Variants in ARHGEF4 observed in about 807,000 individuals in gnomAD.
ARHGEF4 encodes the protein Rho guanine nucleotide exchange factor 4.
ARHGEF4 carries 119 observed loss-of-function variants against 162.0 expected under a neutral mutation model. That is an observed-to-expected ratio of 0.73 (90% CI 0.63 to 0.86). The LOEUF (loss-of-function observed/expected upper bound fraction) is 0.86, where lower values mean the gene tolerates loss of function less well. Among genes scored for constraint, ARHGEF4 ranks in the 40% least tolerant of loss-of-function variants. The pLI is 0.00. For synonymous variants in ARHGEF4, 1,014 were observed against 979.9 expected (o/e 1.03, Z -0.65); for missense variants, 2,488 against 2,456.0 (o/e 1.01, Z -0.28).
At chr2:130,964,513 C>T (rs956902421) in intron 4 of ARHGEF4, among the ~76,000 whole-genome samples, 4 of 152,244 alleles carry the variant, frequency 2.6e-5, no homozygotes, top group Non-Finnish European at 4.4e-5. Context: ...GGCCCCCATA[C>T]CAGAGCGCGC....
At chr2:130,970,979 C>A (rs373770634) in intron 4 of ARHGEF4, among the ~76,000 whole-genome samples, 2 of 152,168 alleles carry the variant, frequency 1.3e-5, no homozygotes, top group African/African-American at 2.4e-5. Flanking sequence ...TCTCAGAAAT[C>A]TTTATGTAAC....
chr2:130,925,085 T>TGAGA (rs138553262), intron 2 of ARHGEF4, among the ~76,000 whole-genome samples: 36 of 136,280 alleles, frequency 2.6e-4, no homozygotes, highest in Admixed American at 6.7e-4. Flanking sequence ...TGTGTGCGTC[T>TGAGA]GAGAGAGAGA....
chr2:130,877,720 C>T (rs1320695216), intron 1 of ARHGEF4, among the ~76,000 whole-genome samples: 2 of 152,138 alleles, frequency 1.3e-5, no homozygotes. Flanking sequence ...AAAATATGAG[C>T]CACCCCTATC....
intron 5 of ARHGEF4, among the ~76,000 whole-genome samples, chr2:131,031,686 G>A (rs1199218963): frequency 6.6e-6 from 1 of 152,188 alleles, no homozygotes; most frequent in Non-Finnish European, 1.5e-5. Flanking sequence ...GAATGCAGAC[G>A]CTGAGTGTTT....
chr2:130,881,098 T>C (rs1559017172), intron 1 of ARHGEF4, among the ~76,000 whole-genome samples: 1 of 152,166 alleles, frequency 6.6e-6, no homozygotes, highest in Non-Finnish European at 1.5e-5. Flanking sequence ...AGTGGCACCA[T>C]CTCGGCTCAC....
intron 4 of ARHGEF4, among the ~76,000 whole-genome samples, chr2:130,991,344 C>T (rs930557394): frequency 7.2e-5 from 11 of 152,252 alleles, no homozygotes; most frequent in African/African-American, 2.7e-4. Context: ...CCCATTTTGG[C>T]GGCACTTGAG....
intron 1 of ARHGEF4, among the ~76,000 whole-genome samples, chr2:130,846,603 A>G (rs567033055): frequency 5.9e-5 from 9 of 152,296 alleles, no homozygotes; most frequent in African/African-American, 1.9e-4. Context: ...ATTCGGGCCC[A>G]GTGAGAGGGG....
At chr2:131,020,680 G>A (rs1689068034) in intron 4 of ARHGEF4, among the ~76,000 whole-genome samples, 1 of 152,156 alleles carries the variant, frequency 6.6e-6, no homozygotes. Context: ...ATAGCAGCAT[G>A]TTTTATAATC....
chr2:130,854,594 A>G (rs1574103093), intron 1 of ARHGEF4, among the ~76,000 whole-genome samples: 2 of 152,296 alleles, frequency 1.3e-5, no homozygotes, highest in Middle Eastern at 3.4e-3. Context: ...AACCCACGCT[A>G]TAGGGTGGAG....
At chr2:130,970,124 C>T (rs953619960) in intron 4 of ARHGEF4, among the ~76,000 whole-genome samples, 14 of 152,224 alleles carry the variant, frequency 9.2e-5, no homozygotes, top group East Asian at 1.9e-4. Context: ...TTTGTATGTA[C>T]GTAAGTTTTC....
In ARHGEF4 at chr2:130,915,731, T is replaced by C. The variant is rs1341966708; in HGVS notation, c.1785T>C (p.Ser595=). Residue 595 remains serine, a synonymous_variant, in exon 2 of 14, where the codon TCT becomes TCC. Transcript: ENST00000409359. ...GLSEFKAATV[S]HCGPGAEEGE... is the part of the protein sequence containing the mutation. ...CAGAATTCAAGGCAGCCACGGTGTC[T>C]CACTGCGGCCCCGGGGCTGAGGAGG... 1 of 1,548,406 alleles carries C rather than the reference T, an allele frequency of 6.5e-7. No homozygotes were observed. The highest frequency in any genetic ancestry group is 2.0e-5 in the Admixed American group (1 of 50,846).
rs1039317771 is a variant in ARHGEF4, at chr2:130,871,697, C to T, written c.39+34705C>T. Among the ~76,000 whole-genome samples the T allele has an allele frequency of 9.2e-5, 14 of 152,206 alleles. 1 individual carries two copies. The highest frequency in any genetic ancestry group is 7.2e-4 in the Admixed American group (11 of 15,282). ...GATCACTCATCCCTTCATTTGTTGTCTTCCAAATCCTGTGGACACTATTTC... is the reference window on the plus strand; with the variant it reads ...GATCACTCATCCCTTCATTTGTTGTTTTCCAAATCCTGTGGACACTATTTC... On this transcript the variant is annotated intron_variant, in intron 1 of 13. Coordinates refer to ENST00000409359, the MANE Select transcript of ARHGEF4 (RefSeq NM_001367493.1).
intron 4 of ARHGEF4, among the ~76,000 whole-genome samples, chr2:131,017,991 G>A (rs1292995789): frequency 6.6e-6 from 1 of 152,086 alleles, no homozygotes; most frequent in Non-Finnish European, 1.5e-5. Flanking sequence ...TAAAACAGGA[G>A]GCCAGGGGAG....
intron 2 of ARHGEF4, among the ~76,000 whole-genome samples, chr2:130,918,054 T>C (rs945471724): frequency 2.0e-4 from 31 of 152,268 alleles, no homozygotes; most frequent in Non-Finnish European, 3.7e-4. Context: ...ACTCCTGACC[T>C]CGTGATCCAC....
intron 1 of ARHGEF4, among the ~76,000 whole-genome samples, chr2:130,892,180 C>G (rs1447000035): frequency 6.6e-6 from 1 of 152,170 alleles, no homozygotes; most frequent in Non-Finnish European, 1.5e-5. Flanking sequence ...CTCTTCAGAG[C>G]ACTCAGCCTT....
intron 4 of ARHGEF4, among the ~76,000 whole-genome samples, chr2:130,984,710 G>A (rs1285664825): frequency 6.9e-6 from 1 of 144,014 alleles, no homozygotes; most frequent in Admixed American, 6.9e-5. Flanking sequence ...AAAAAATCAA[G>A]TTTACCAAAT....
Position 130,884,913 on chromosome 2 carries a change from C to A in ARHGEF4, c.40-29073C>A, listed in dbSNP as rs1174389832. 2.0e-5 allele frequency among the ~76,000 whole-genome samples: 3 copies of A among 152,066 alleles called. No individual in the cohort carries two copies. The East Asian group carries it at 5.8e-4, about 29-fold the overall frequency. ...GGAAGAGGCTCGGCCTCTCTAGGCC[C>A]CTCCAGCTTCTTCATCAATAAATGA... On this transcript the variant is annotated intron_variant, in intron 1 of 13. Coordinates refer to ENST00000409359, the MANE Select transcript of ARHGEF4 (RefSeq NM_001367493.1).
intron 4 of ARHGEF4, among the ~76,000 whole-genome samples, chr2:130,995,921 C>T (rs1047758090): frequency 4.8e-5 from 7 of 144,362 alleles, no homozygotes; most frequent in Non-Finnish European, 7.5e-5. Context: ...CAGAGTCTTG[C>T]TGTGTTCGCC....
chr2:131,002,594 T>C (rs1004550167), intron 4 of ARHGEF4, among the ~76,000 whole-genome samples: 16 of 151,510 alleles, frequency 1.1e-4, no homozygotes, highest in Admixed American at 9.2e-4. Flanking sequence ...CCTGTAGTCC[T>C]AGCTACTTCA....
Sources: allele counts gnomAD v4.1 joint callset (sites outside exome capture counted in the v4.1 genomes callset), GRCh38; gene constraint gnomAD v4.1.1; transcripts MANE v1.5; gene names NCBI Gene and HGNC (gene_info 2026-07-23, HGNC 2026-07-21).